Variants in HTT observed in about 807,000 individuals in gnomAD.
HTT encodes huntington disease protein.
Under a neutral mutation model 362.3 loss-of-function variants are expected in HTT, and 104 were observed. The observed-to-expected ratio is 0.29, with a 90% CI of 0.24 to 0.34. HTT has a LOEUF of 0.34. Ranked by LOEUF, HTT falls within the 10% of genes least tolerant of loss-of-function variation. The probability of loss-of-function intolerance (pLI) is 1.00; values close to 1 mark genes in which losing one functional copy is unlikely to be tolerated. For synonymous variants in HTT, 1,577 were observed against 1,548.7 expected, an observed-to-expected ratio of 1.02 and a Z score of -0.43; for missense variants, 3,301 against 3,928.6, an observed-to-expected ratio of 0.84 and a Z score of 4.27.
At chr4:3,171,185 T>G (rs1216942276) in intron 29 of HTT, among the ~76,000 whole-genome samples, 3 of 152,222 alleles carry the variant, frequency 2.0e-5, no homozygotes, top group Non-Finnish European at 1.5e-5. Flanking sequence ...AAGAACAACC[T>G]TAAACACTTA....
Position 3,222,399 on chromosome 4 carries a change from G to A in HTT, c.7382G>A (p.Arg2461His), listed in dbSNP as rs1404225332. ...TTTATATTTCTAGGCTGGACCAGTC[G>A]TACTCAGTTTGAAGAAACTTGGGCC... ...YRINTLGWTS[R>H]TQFEETWATL... is the part of the protein sequence containing the mutation. Residue 2461 changes from arginine (R) to histidine (H), a missense_variant, in exon 54 of 67, where the codon CGT (arginine) becomes CAT (histidine). By Grantham distance (29) the Arg-to-His change is conservative. This residue lies in a region of HTT where 753 missense variants were observed against 1,021.3 expected (regional missense o/e 0.74). Transcript: ENST00000355072. The A allele has an allele frequency of 6.2e-6, 10 of 1,613,640 alleles. No homozygotes were observed. Among genetic ancestry groups the A allele is most frequent in the Non-Finnish European group, 8.5e-6 (10 of 1,179,690 alleles).
intron 3 of HTT, among the ~76,000 whole-genome samples, chr4:3,102,360 A>G (rs1714201569): frequency 6.6e-6 from 1 of 152,244 alleles, no homozygotes; most frequent in African/African-American, 2.4e-5. Context: ...CTCTTGTTAT[A>G]CAATAAGCTT....
intron 60 of HTT, among the ~76,000 whole-genome samples, chr4:3,232,198 T>C (rs2110298663): frequency 6.6e-6 from 1 of 152,256 alleles, no homozygotes; most frequent in African/African-American, 2.4e-5. Context: ...AAGAAGGAAG[T>C]GACCCACAAA....
At chr4:3,155,315 G>C (rs1358073860) in intron 27 of HTT, among the ~76,000 whole-genome samples, 1 of 151,574 alleles carries the variant, frequency 6.6e-6, no homozygotes, top group East Asian at 2.0e-4. Flanking sequence ...TCTGCCTCCT[G>C]GGTTCAAGCA....
intron 29 of HTT, among the ~76,000 whole-genome samples, chr4:3,167,236 T>C (rs1717761861): frequency 6.6e-6 from 1 of 152,142 alleles, no homozygotes; most frequent in Admixed American, 6.5e-5. Context: ...CATGCCTGGC[T>C]AATTTTTTGT....
At position 3,238,437 on chromosome 4, in the gene HTT, C is replaced by T. The variant is rs1721645928; in HGVS notation, c.8892-10C>T. 1 of 1,603,482 alleles carries T rather than the reference C, an allele frequency of 6.2e-7. No individual in the cohort carries two copies. Among genetic ancestry groups the T allele is most frequent in the Middle Eastern group, 1.7e-4 (1 of 6,028 alleles). On this transcript the variant is annotated splice_polypyrimidine_tract_variant and intron_variant, in intron 64 of 66. Transcript: ENST00000355072. The stretch of plus-strand genomic sequence containing the variant: ...TGGTGCCAGTCTCTGACCTGCGTCC[C>T]TCCTCCCAGGATCAGGAAAGGCTTT...
Position 3,074,886 on chromosome 4 carries a change from CA to C in HTT, c.62del (p.Gln21ArgfsTer80), listed in dbSNP as rs1712388735. On this transcript the variant is annotated frameshift_variant, in exon 1 of 67. Transcript: ENST00000355072. LOFTEE classifies it high-confidence loss of function. ...GTCCCTCAAGTCCTTCCAGCAGCAG[CA>C]GCAGCAGCAGCAGCAGCAGCAGCAG... ...FESLKSFQQQ[Q>X]QQQQQQQQQQ... 7 of 1,249,970 alleles carry C rather than the reference CA, an allele frequency of 5.6e-6. No homozygotes were observed. Among genetic ancestry groups the C allele is most frequent in the Non-Finnish European group, 6.3e-6 (6 of 955,758 alleles). 77.4% of individuals were successfully genotyped at this position (1,249,970 alleles called of 1,614,324 possible).
At chr4:3,087,480 C>A (rs79923558) in intron 2 of HTT, among the ~76,000 whole-genome samples, 1 of 152,192 alleles carries the variant, frequency 6.6e-6, no homozygotes, top group African/African-American at 2.4e-5. Context: ...TAGTGGGGAT[C>A]GTGGGGCATT....
chr4:3,122,784 C>T, intron 9 of HTT, 105 bp from the exon 10 acceptor site: 1 of 859,210 alleles, frequency 1.2e-6, no homozygotes, highest in Non-Finnish European at 1.9e-6. Context: ...AAAACGTTCA[C>T]ATTTTCTCTA....
In HTT at chr4:3,142,806, G is replaced by A. The variant is rs775032858; in HGVS notation, c.2986G>A (p.Val996Ile). ...GYNLLPSITD[V>I]TMENNLSRVI... ...TAACCTACTACCAAGCATAACAGAC[G>A]TCACTATGGAAAATAACCTTTCAAG... The change falls in exon 23 of 67, where the codon GTC becomes ATC. Residue 996 changes from valine (V) to isoleucine (I), a missense_variant. Val to Ile is a conservative substitution (Grantham distance 29, BLOSUM62 3). Transcript: ENST00000355072. 3.2e-5 allele frequency: 51 copies of A among 1,583,360 alleles called. No individual in the cohort carries two copies. The South Asian group carries it at 4.3e-4, about 13-fold the overall frequency.
At chr4:3,133,735 A>C (rs1715934400) in intron 18 of HTT, among the ~76,000 whole-genome samples, 1 of 152,234 alleles carries the variant, frequency 6.6e-6, no homozygotes, top group Non-Finnish European at 1.5e-5. Context: ...GGTAAAAATC[A>C]AAGCAAAAAA....
At chr4:3,120,402 A>G (rs1235406026) in intron 8 of HTT, among the ~76,000 whole-genome samples, 1 of 152,252 alleles carries the variant, frequency 6.6e-6, no homozygotes, top group Non-Finnish European at 1.5e-5. Flanking sequence ...TTATGTTCAT[A>G]TAATGTGATA....
In HTT at chr4:3,199,953, G is replaced by T; in HGVS notation, c.5576+14G>T. The stretch of plus-strand genomic sequence containing the variant: ...GCAGACCCCGAAGTAGGTTCATAAT[G>T]CCCCACAGCCCAGGGCGCCAGCCCA... On this transcript the variant is annotated intron_variant, in intron 41 of 66. Coordinates refer to ENST00000355072, the MANE Select transcript of HTT (RefSeq NM_001388492.1). 1.2e-6 allele frequency: 2 copies of T among 1,603,560 alleles called. No individual in the cohort carries two copies. The highest frequency in any genetic ancestry group is 1.7e-6 in the Non-Finnish European group (2 of 1,174,416).
intron 1 of HTT, among the ~76,000 whole-genome samples, chr4:3,078,540 A>T (rs187951473): frequency 8.5e-5 from 13 of 152,310 alleles, no homozygotes; most frequent in Non-Finnish European, 1.8e-4. Flanking sequence ...GAGCTGTAGC[A>T]CTAAGTGTTG....
At chr4:3,197,397 G>C (rs1349907692) in intron 40 of HTT, among the ~76,000 whole-genome samples, 1 of 151,950 alleles carries the variant, frequency 6.6e-6, no homozygotes, top group Non-Finnish European at 1.5e-5. Flanking sequence ...TTGTTAATTA[G>C]ATCATTAGGG....
At chr4:3,181,209 C>T (rs363128) in intron 36 of HTT, among the ~76,000 whole-genome samples, 20,703 of 152,014 alleles carry the variant, frequency 0.14, 1,759 homozygotes, top group African/African-American at 0.24. Flanking sequence ...GTGGGCACAG[C>T]CACAGGAGTT....
At position 3,104,223 on chromosome 4, in the gene HTT, T is replaced by G. The variant is rs533371742; in HGVS notation, c.528+340T>G. On this transcript the variant is annotated intron_variant, in intron 4 of 66. Transcript: ENST00000355072. ...ACCGAACTTTGGGCTGGTCTCAAAC[T>G]CCTGACCTCAGGTGATCCGCCCGCC... Among the ~76,000 whole-genome samples, 76 of 151,956 alleles carry G rather than the reference T, an allele frequency of 5.0e-4. 2 individuals carry two copies. Among genetic ancestry groups the G allele is most frequent in the Admixed American group, 2.3e-3 (35 of 15,282 alleles).
intron 3 of HTT, among the ~76,000 whole-genome samples, chr4:3,103,349 C>T (rs768835602): frequency 6.6e-6 from 1 of 150,668 alleles, no homozygotes; most frequent in Non-Finnish European, 1.5e-5. Flanking sequence ...CTCAGCCTCT[C>T]GAGTAGCTGG....
At chr4:3,232,697 AC>A (rs1721315570) in intron 60 of HTT, among the ~76,000 whole-genome samples, 2 of 152,244 alleles carry the variant, frequency 1.3e-5, no homozygotes, top group Admixed American at 6.5e-5. Context: ...TCCCGAGGAC[AC>A]CAGGCTTGAG....
Sources: allele counts gnomAD v4.1 joint callset (sites outside exome capture counted in the v4.1 genomes callset), GRCh38; gene constraint gnomAD v4.1.1; regional missense constraint gnomAD v4.1.1; transcripts MANE v1.5; gene names NCBI Gene and HGNC (gene_info 2026-07-23, HGNC 2026-07-21).